The following NDST3 variants were observed in gnomAD, a reference collection of about 807,000 sequenced individuals.
NDST3 encodes the protein N-deacetylase and N-sulfotransferase 3.
NDST3 carries 58 observed loss-of-function variants against 96.1 expected under a neutral mutation model. The ratio of observed to expected loss-of-function variants is 0.60; its 90% CI spans 0.49 to 0.75. NDST3 has a LOEUF of 0.75. NDST3 is among the 30% of genes least tolerant of loss of function. NDST3 has a pLI of 0.00. For synonymous variants in NDST3, 333 were observed against 359.7 expected, an observed-to-expected ratio of 0.93 and a Z score of 0.84; for missense variants, 788 against 1,034.2, an observed-to-expected ratio of 0.76 and a Z score of 3.27.
intron 8 of NDST3, among the ~76,000 whole-genome samples, chr4:118,231,625 G>T (rs1740301355): frequency 6.6e-6 from 1 of 152,032 alleles, no homozygotes; most frequent in Non-Finnish European, 1.5e-5. Context: ...GCCATGTCTT[G>T]TTACTATTGC....
chr4:118,083,857 C>T (rs1728208813), intron 2 of NDST3, among the ~76,000 whole-genome samples: 1 of 152,038 alleles, frequency 6.6e-6, no homozygotes, highest in Non-Finnish European at 1.5e-5. Flanking sequence ...TGACTCTGTG[C>T]CTTTACAATT....
chr4:118,097,229 T>C (rs1034676019), intron 2 of NDST3, among the ~76,000 whole-genome samples: 3 of 151,940 alleles, frequency 2.0e-5, no homozygotes, highest in Non-Finnish European at 4.4e-5. Context: ...AGCACAATTT[T>C]TAGGACCTCA....
At chr4:118,103,922 A>G (rs576946898) in intron 2 of NDST3, among the ~76,000 whole-genome samples, 1 of 152,314 alleles carries the variant, frequency 6.6e-6, no homozygotes, top group East Asian at 1.9e-4. Flanking sequence ...GAAGTTCTCT[A>G]CCTCTGCTTT....
At chr4:118,133,612 G>A (rs897220194) in intron 4 of NDST3, among the ~76,000 whole-genome samples, 1 of 152,150 alleles carries the variant, frequency 6.6e-6, no homozygotes, top group Non-Finnish European at 1.5e-5. Flanking sequence ...TGGCCTTCCT[G>A]CAGGGGGTAC....
At chr4:118,177,466 G>A (rs1340409745) in intron 6 of NDST3, among the ~76,000 whole-genome samples, 1 of 151,810 alleles carries the variant, frequency 6.6e-6, no homozygotes, top group Non-Finnish European at 1.5e-5. Context: ...GTTTTCATTT[G>A]GATAATATTT....
At chr4:118,085,974 C>T (rs956362688) in intron 2 of NDST3, among the ~76,000 whole-genome samples, 2 of 152,166 alleles carry the variant, frequency 1.3e-5, no homozygotes, top group Admixed American at 1.3e-4. Flanking sequence ...ATCTGGAATC[C>T]TCTATTCTCT....
intron 2 of NDST3, among the ~76,000 whole-genome samples, chr4:118,073,281 G>T (rs1415364169): frequency 6.6e-6 from 1 of 151,920 alleles, no homozygotes; most frequent in Non-Finnish European, 1.5e-5. Flanking sequence ...TTTTTGGAAT[G>T]GTTTCAGTAG....
chr4:118,196,055 G>A (rs532328980), intron 6 of NDST3, among the ~76,000 whole-genome samples: 2 of 152,214 alleles, frequency 1.3e-5, no homozygotes, highest in South Asian at 4.2e-4. Context: ...TTTTCATGAA[G>A]GGATGTTGAA....
chr4:118,142,804 A>G (rs1733665088), intron 5 of NDST3, among the ~76,000 whole-genome samples: 1 of 152,194 alleles, frequency 6.6e-6, no homozygotes, highest in South Asian at 2.1e-4. Flanking sequence ...GCAAAAGGCT[A>G]TAAAAATTTG....
chr4:118,124,174 T>C (rs1421529016), intron 4 of NDST3, among the ~76,000 whole-genome samples: 1 of 152,106 alleles, frequency 6.6e-6, no homozygotes, highest in East Asian at 1.9e-4. Context: ...ATATGTATAA[T>C]AGAAGAAATG....
intron 2 of NDST3, among the ~76,000 whole-genome samples, chr4:118,076,522 T>C (rs183113852): frequency 6.6e-6 from 1 of 152,310 alleles, no homozygotes; most frequent in East Asian, 1.9e-4. Flanking sequence ...TTTATCTGAC[T>C]GAGTTAATTA....
chr4:118,143,487 A>C, intron 5 of NDST3, 69 bp from the exon 6 acceptor site: 1 of 1,530,752 alleles, frequency 6.5e-7, no homozygotes, highest in Non-Finnish European at 8.8e-7. Flanking sequence ...GTGTGAGCAA[A>C]AAGCTAAGTT....
chr4:118,099,100 A>C (rs1310963235), intron 2 of NDST3, among the ~76,000 whole-genome samples: 1 of 152,052 alleles, frequency 6.6e-6, no homozygotes, highest in African/African-American at 2.4e-5. Context: ...TTCATACAAA[A>C]CCTGGGAGTT....
At chr4:118,177,439 G>C (rs962451239) in intron 6 of NDST3, among the ~76,000 whole-genome samples, 1 of 151,854 alleles carries the variant, frequency 6.6e-6, no homozygotes, top group African/African-American at 2.4e-5. Context: ...AAATCACTGG[G>C]TTCACTGCTT....
chr4:118,203,347 C>T (rs1738219460), intron 6 of NDST3, among the ~76,000 whole-genome samples: 1 of 152,034 alleles, frequency 6.6e-6, no homozygotes, highest in Non-Finnish European at 1.5e-5. Flanking sequence ...TAGAAAGGAA[C>T]CCCTCCTCTT....
chr4:118,163,635 A>G (rs1735349767), intron 6 of NDST3, among the ~76,000 whole-genome samples: 1 of 152,166 alleles, frequency 6.6e-6, no homozygotes, highest in Non-Finnish European at 1.5e-5. Flanking sequence ...TAGCATGAGG[A>G]GATATACCTA....
At chr4:118,120,285 G>C (rs544024091) in intron 4 of NDST3, among the ~76,000 whole-genome samples, 2 of 152,142 alleles carry the variant, frequency 1.3e-5, no homozygotes, top group East Asian at 3.9e-4. Context: ...TGTGCCACAA[G>C]GATGCAGGGC....
At chr4:118,152,105 A>AC (rs1341709227) in intron 6 of NDST3, among the ~76,000 whole-genome samples, 2 of 152,234 alleles carry the variant, frequency 1.3e-5, no homozygotes, top group East Asian at 3.8e-4. Flanking sequence ...CTGATTTAAA[A>AC]AGAAAAATGA....
At chr4:118,080,056 T>G (rs1727887207) in intron 2 of NDST3, among the ~76,000 whole-genome samples, 1 of 152,194 alleles carries the variant, frequency 6.6e-6, no homozygotes, top group South Asian at 2.1e-4. Flanking sequence ...CCCCTCTTCA[T>G]CACCTGATCC....
Sources: allele counts gnomAD v4.1 joint callset (sites outside exome capture counted in the v4.1 genomes callset), GRCh38; gene constraint gnomAD v4.1.1; transcripts MANE v1.5; gene names NCBI Gene and HGNC (gene_info 2026-07-23, HGNC 2026-07-21).